The following MED27 variants were observed in gnomAD, a reference collection of about 807,000 sequenced individuals.
The protein encoded by MED27 is mediator complex subunit 27.
Under a neutral mutation model 38.2 loss-of-function variants are expected in MED27, and 30 were observed. The ratio of observed to expected loss-of-function variants is 0.79; its 90% CI spans 0.59 to 1.07. The LOEUF is 1.07. MED27 is among the 50% of genes least tolerant of loss of function. The pLI is 0.00. For synonymous variants in MED27, 122 were observed against 153.5 expected (o/e 0.79, Z 1.52); for missense variants, 289 against 397.5 (o/e 0.73, Z 2.32).
chr9:132,051,243 G>A lies in MED27; in HGVS notation c.348+26199C>T, dbSNP rs529840196. The stretch of plus-strand genomic sequence containing the variant: ...TCAAGGTTATCCCTAATAACATTTC[G>A]GCCACTCATTTGCATTCCAGTAAGC... On this transcript the variant is annotated intron_variant, in intron 2 of 7. Transcript: ENST00000292035. The surrounding 1 kb of genome is among the most constrained non-coding windows in gnomAD (Gnocchi z 4.2). 6.6e-6 allele frequency among the ~76,000 whole-genome samples: 1 copy of A among 152,214 alleles called. No individual in the cohort carries two copies. The highest frequency in any genetic ancestry group is 2.1e-4 in the South Asian group (1 of 4,814).
intron 3 of MED27, among the ~76,000 whole-genome samples, chr9:131,944,524 T>G (rs1199871449): frequency 2.0e-5 from 3 of 146,492 alleles, no homozygotes; most frequent in Non-Finnish European, 4.5e-5. Flanking sequence ...ATCAGTGGTT[T>G]TTAGTCTTTT....
intron 3 of MED27, among the ~76,000 whole-genome samples, chr9:131,968,471 C>CAAAAA (rs10556528): frequency 2.0e-5 from 2 of 98,424 alleles, no homozygotes; most frequent in Non-Finnish European, 2.0e-5. Flanking sequence ...GACCCTGTCT[C>CAAAAA]AAAAAAAAAA....
chr9:132,048,632 T>C lies in MED27; in HGVS notation c.348+28810A>G, dbSNP rs375861201. ...CCTTTCCATCTGTTCTACAGCCCCA[T>C]GCTTAACATGAAAGGCCAACAGCAG... On this transcript the variant is annotated intron_variant, in intron 2 of 7. Coordinates refer to ENST00000292035, the MANE Select transcript of MED27 (RefSeq NM_004269.4). Among the ~76,000 whole-genome samples, 31 of 152,290 alleles carry C rather than the reference T, an allele frequency of 2.0e-4. No individual in the cohort carries two copies. The South Asian group carries it at 6.4e-3, about 32-fold the overall frequency.
intron 2 of MED27, among the ~76,000 whole-genome samples, chr9:132,065,339 T>C (rs1024649286): frequency 6.6e-6 from 1 of 152,144 alleles, no homozygotes; most frequent in African/African-American, 2.4e-5. Flanking sequence ...AACCCTCCAG[T>C]GCTGAAACAC....
chr9:131,986,748 T>A (rs867449258), intron 3 of MED27, among the ~76,000 whole-genome samples: 59 of 152,310 alleles, frequency 3.9e-4, no homozygotes, highest in African/African-American at 1.4e-3. Context: ...CCTTCTGAAA[T>A]ATTATTCCTG....
chr9:132,008,871 C>T (rs563268655), intron 3 of MED27, among the ~76,000 whole-genome samples: 1 of 152,344 alleles, frequency 6.6e-6, no homozygotes, highest in South Asian at 2.1e-4. Flanking sequence ...CTTTCCTCCA[C>T]CGTTTAAAAA....
intron 3 of MED27, among the ~76,000 whole-genome samples, chr9:131,973,457 C>CTTTTTTTTTTTTTTT (rs747946439): frequency 8.2e-6 from 1 of 122,172 alleles, no homozygotes; most frequent in Non-Finnish European, 1.7e-5. Flanking sequence ...TTTTTCTTTT[C>CTTTTTTTTTTTTTTT]TTTTTTTTTT....
intron 6 of MED27, among the ~76,000 whole-genome samples, chr9:131,881,464 G>T (rs908643143): frequency 6.6e-6 from 1 of 152,162 alleles, no homozygotes; most frequent in African/African-American, 2.4e-5. Context: ...AGGGAGGAAA[G>T]GAGGGAGGCT....
intron 4 of MED27, among the ~76,000 whole-genome samples, chr9:131,906,816 C>T (rs935746113): frequency 1.3e-5 from 2 of 152,174 alleles, no homozygotes; most frequent in African/African-American, 4.8e-5. Flanking sequence ...ACAGGCTGCT[C>T]AACTGACTAT....
intron 2 of MED27, among the ~76,000 whole-genome samples, chr9:132,066,370 G>A (rs1003087118): frequency 5.3e-5 from 8 of 152,238 alleles, no homozygotes; most frequent in South Asian, 4.1e-4. Flanking sequence ...GGTGCATCTC[G>A]CAGAGCAGCC....
chr9:131,889,433 T>G lies in MED27; in HGVS notation c.681+4452A>C, dbSNP rs746394103. ...TCTGACTGGTATAAAATCAGGACAATGGCCAGGTATTCATCTTCAATCCTG... is the reference window on the plus strand; with the variant it reads ...TCTGACTGGTATAAAATCAGGACAAGGGCCAGGTATTCATCTTCAATCCTG... On this transcript the variant is annotated intron_variant, in intron 5 of 7. Transcript: ENST00000292035. This position sits in a 1 kb window ranked among gnomAD's most constrained non-coding sequence, Gnocchi z 4.2. Among the ~76,000 whole-genome samples, 4 of 152,182 alleles carry G rather than the reference T, an allele frequency of 2.6e-5. No individual in the cohort carries two copies. The highest frequency in any genetic ancestry group is 9.7e-5 in the African/African-American group (4 of 41,438).
intron 4 of MED27, among the ~76,000 whole-genome samples, chr9:131,919,536 G>C (rs970879818): frequency 6.6e-6 from 1 of 152,026 alleles, no homozygotes; most frequent in Non-Finnish European, 1.5e-5. Flanking sequence ...ACTTAGTACT[G>C]TAGCACTGTG....
chr9:131,921,259 A>T (rs1454257156), intron 4 of MED27, among the ~76,000 whole-genome samples: 1 of 152,068 alleles, frequency 6.6e-6, no homozygotes, highest in Non-Finnish European at 1.5e-5. Context: ...TCACATCTGC[A>T]CTCTCTCTGC....
chr9:131,907,384 GT>G (rs1407133736), intron 4 of MED27, among the ~76,000 whole-genome samples: 7 of 152,150 alleles, frequency 4.6e-5, no homozygotes, highest in African/African-American at 1.7e-4. Flanking sequence ...CGCCTGACTG[GT>G]TTTCGTATTT....
intron 6 of MED27, among the ~76,000 whole-genome samples, chr9:131,876,789 A>G (rs1838941953): frequency 6.6e-6 from 1 of 152,176 alleles, no homozygotes; most frequent in South Asian, 2.1e-4. Flanking sequence ...TCTCTTGGGC[A>G]TACCACTCAT....
At chr9:132,024,119 C>T (rs1410916686) in intron 2 of MED27, among the ~76,000 whole-genome samples, 1 of 152,178 alleles carries the variant, frequency 6.6e-6, no homozygotes, top group Admixed American at 6.5e-5. Flanking sequence ...GTTCAAACCC[C>T]AGCTCAACAT....
chr9:131,881,696 T>C (rs1839042454), intron 6 of MED27, among the ~76,000 whole-genome samples: 1 of 151,848 alleles, frequency 6.6e-6, no homozygotes, highest in Non-Finnish European at 1.5e-5. Flanking sequence ...CCAACACTGG[T>C]TACTCACTAA....
chr9:131,930,129 C>T (rs1462558551), intron 4 of MED27, among the ~76,000 whole-genome samples: 2 of 152,068 alleles, frequency 1.3e-5, no homozygotes, highest in Admixed American at 6.6e-5. Flanking sequence ...CGTTAAAGGG[C>T]AAATCTAAGT....
At chr9:131,924,023 G>A (rs1022729344) in intron 4 of MED27, among the ~76,000 whole-genome samples, 8 of 152,080 alleles carry the variant, frequency 5.3e-5, no homozygotes, top group African/African-American at 1.4e-4. Flanking sequence ...TCAATCACAC[G>A]CCTCTGCACA....
Sources: allele counts gnomAD v4.1 joint callset (sites outside exome capture counted in the v4.1 genomes callset), GRCh38; gene constraint gnomAD v4.1.1; non-coding constraint Gnocchi (gnomAD v3.1); transcripts MANE v1.5; gene names NCBI Gene and HGNC (gene_info 2026-07-23, HGNC 2026-07-21).